The following TRIM56 variants were observed in gnomAD, a reference collection of about 807,000 sequenced individuals.
The protein encoded by TRIM56 is tripartite motif containing 56.
TRIM56 carries 10 observed loss-of-function variants against 17.1 expected under a neutral mutation model. That is an observed-to-expected ratio of 0.58 (90% CI 0.36 to 0.99). The LOEUF is 0.99. Among genes scored for constraint, TRIM56 ranks in the 50% least tolerant of loss-of-function variants. The probability of loss-of-function intolerance (pLI) is 0.01; values close to 1 mark genes in which losing one functional copy is unlikely to be tolerated. For synonymous variants in TRIM56, 503 were observed against 473.5 expected, an observed-to-expected ratio of 1.06 and a Z score of -0.81; for missense variants, 923 against 1,052.3, an observed-to-expected ratio of 0.88 and a Z score of 1.70.
At chr7:101,086,643 A>C (rs1371408114) in intron 1 of TRIM56, 1 of 151,602 alleles carries the variant, frequency 6.6e-6, no homozygotes, top group Non-Finnish European at 1.5e-5. Flanking sequence ...TGAGTCTAGG[A>C]GTTTGAGGCT....
rs972012401 is a variant in TRIM56, at chr7:101,087,667, C to T, written c.355C>T (p.Arg119Trp). The T allele has an allele frequency of 1.0e-5, 16 of 1,601,968 alleles. No individual in the cohort carries two copies. The highest frequency in any genetic ancestry group is 2.2e-5 in the South Asian group (2 of 89,428). ...GTSTGGPATA[R>W]CLDCADDLCQ... is the part of the protein sequence containing the mutation. ...CAGCACCGGGGGGCCGGCCACGGCC[C>T]GGTGCCTGGACTGTGCCGATGACTT... The change falls in exon 3 of 3, where the codon CGG (arginine) becomes TGG (tryptophan). Residue 119 changes from arginine to tryptophan, a missense_variant. Arg to Trp is a moderately radical substitution (Grantham distance 101). Around this residue, in one of 3 missense-constraint regions of TRIM56, gnomAD observed 643 missense variants for 665.6 expected, o/e 0.97. Coordinates refer to ENST00000306085, the MANE Select transcript of TRIM56 (RefSeq NM_030961.3).
Position 101,094,038 on chromosome 7 carries a change from T to C in TRIM56, c.*4458T>C, listed in dbSNP as rs540735114. The C allele has an allele frequency of 3.9e-5, 6 of 152,234 alleles. No homozygotes were observed. Among genetic ancestry groups the C allele is most frequent in the Admixed American group, 6.6e-5 (1 of 15,264 alleles). 9.4% of individuals were successfully genotyped at this position (152,234 alleles called of 1,614,324 possible). A position where few individuals can be genotyped will look rare whatever the true frequency, so the allele number is the denominator to read the frequency against. On this transcript the variant is annotated 3_prime_UTR_variant, in exon 3 of 3. Transcript: ENST00000306085. ...GGGAATACATTCTGGGAAAATAATG[T>C]AAGAGAAAAAATATTTGCATACAGA...
chr7:101,085,759 G>T (rs571134503), intron 1 of TRIM56, among the ~76,000 whole-genome samples, 188 bp downstream of exon 1: 172 of 152,120 alleles, frequency 1.1e-3, no homozygotes, highest in African/African-American at 3.8e-3. Context: ...GTGGCCACAG[G>T]TCCCCGCAAG....
In TRIM56 at chr7:101,088,836, C is replaced by T. The variant is rs1192944865; in HGVS notation, c.1524C>T (p.Pro508=). ...GGATGCCTGGAGACAAGCGGTCCCC[C>T]CGGATCACCGGGCTCTGTCCCTTCG... ...PTRMPGDKRS[P]RITGLCPFGP... is the part of the protein sequence containing the mutation. Residue 508 remains proline (P), a synonymous_variant, in exon 3 of 3, where the codon CCC becomes CCT. Transcript: ENST00000306085. 4.3e-6 allele frequency: 7 copies of T among 1,613,684 alleles called. No homozygotes were observed. Among genetic ancestry groups the T allele is most frequent in the East Asian group, 4.5e-5 (2 of 44,886 alleles).
In TRIM56 at chr7:101,089,517, C is replaced by T. The variant is rs986652465; in HGVS notation, c.2205C>T (p.Tyr735=). The T allele has an allele frequency of 2.5e-6, 4 of 1,614,212 alleles. No homozygotes were observed. Among genetic ancestry groups the T allele is most frequent in the Non-Finnish European group, 3.4e-6 (4 of 1,180,048 alleles). The part of the protein sequence containing the change: ...PRVTTMVDGR[Y]LVVSLSNGTI... ...TTACCACCATGGTGGATGGCAGGTA[C>T]CTGGTCGTGTCCCTCAGTAACGGGA... Residue 735 remains tyrosine (Y), a synonymous_variant, in exon 3 of 3, where the codon TAC becomes TAT. Transcript: ENST00000306085.
chr7:101,091,627 T>A lies in TRIM56; in HGVS notation c.*2047T>A, dbSNP rs1435704044. 1 of 398,636 alleles carries A rather than the reference T, an allele frequency of 2.5e-6. No homozygotes were observed. 24.7% of individuals were successfully genotyped at this position (398,636 alleles called of 1,614,324 possible). A position where few individuals can be genotyped will look rare whatever the true frequency, so the allele number is the denominator to read the frequency against. On this transcript the variant is annotated 3_prime_UTR_variant, in exon 3 of 3. Transcript: ENST00000306085. The stretch of plus-strand genomic sequence containing the variant: ...CTGTAATCCCAGCTACTTGGGAGGC[T>A]GAGGCAGGAGAATCATTTGAACCCA...
rs1487311434 is a variant in TRIM56 at position 101,088,150 on chromosome 7, C to G, written c.838C>G (p.His280Asp). The G allele has an allele frequency of 6.7e-7, 1 of 1,499,974 alleles. No individual in the cohort carries two copies. Among genetic ancestry groups the G allele is most frequent in the East Asian group, 2.5e-5 (1 of 40,474 alleles). 92.9% of individuals were successfully genotyped at this position (1,499,974 alleles called of 1,614,324 possible). A position where few individuals can be genotyped will look rare whatever the true frequency, so the allele number is the denominator to read the frequency against. ...GGAGGTGCTGGGGCAGCTACGAGCCCACGTGGAGGCTGCCGAAGAAGCTGC... is the reference window on the plus strand; with the variant it reads ...GGAGGTGCTGGGGCAGCTACGAGCCGACGTGGAGGCTGCCGAAGAAGCTGC... ...KQEVLGQLRA[H>D]VEAAEEAARE... The change falls in exon 3 of 3, where the codon CAC becomes GAC. Residue 280 changes from histidine to aspartate, a missense_variant. His to Asp is a moderately conservative substitution (Grantham distance 81). This residue lies in a region of TRIM56 where 643 missense variants were observed against 665.6 expected (regional missense o/e 0.97). Coordinates refer to ENST00000306085, the MANE Select transcript of TRIM56 (RefSeq NM_030961.3).
In TRIM56 at chr7:101,097,458, C is replaced by T. The variant is rs1287679436; in HGVS notation, c.*7878C>T. 3.3e-5 allele frequency: 5 copies of T among 152,290 alleles called. No individual in the cohort carries two copies. The East Asian group carries it at 9.7e-4, about 29-fold the overall frequency. The allele number at this position is 152,290 out of a possible 1,614,324, so 9.4% of individuals were successfully genotyped here. A position where few individuals can be genotyped will look rare whatever the true frequency, so the allele number is the denominator to read the frequency against. On this transcript the variant is annotated 3_prime_UTR_variant, in exon 3 of 3. Transcript: ENST00000306085. ...GACCAAAGGTAGCAAAATTAGACTACCCAACTGGATTGTGAATGCAGTTTA... is the reference window on the plus strand; with the variant it reads ...GACCAAAGGTAGCAAAATTAGACTATCCAACTGGATTGTGAATGCAGTTTA...
Position 101,087,521 on chromosome 7 carries a change from T to A in TRIM56, c.209T>A (p.Val70Glu), listed in dbSNP as rs1452927973. The A allele has an allele frequency of 6.2e-7, 1 of 1,613,330 alleles. No homozygotes were observed. The highest frequency in any genetic ancestry group is 2.2e-5 in the East Asian group (1 of 44,854). Residue 70 changes from valine to glutamate, a missense_variant, in exon 3 of 3, where the codon GTG (valine) becomes GAG (glutamate). Around this residue, in one of 3 missense-constraint regions of TRIM56, gnomAD observed 98 missense variants for 143.6 expected, o/e 0.68. Transcript: ENST00000306085. The part of the protein sequence containing the change: ...RETVPVPPEG[V>E]ASFKTNFFVN... ...ACAGTGCCTGTGCCGCCCGAGGGTG[T>A]GGCCTCCTTCAAGACCAACTTCTTC...
At position 101,097,086 on chromosome 7, in the gene TRIM56, A is replaced by G. The variant is rs1408330963; in HGVS notation, c.*7506A>G. 1.3e-5 allele frequency: 2 copies of G among 152,242 alleles called. No homozygotes were observed. Among genetic ancestry groups the G allele is most frequent in the Non-Finnish European group, 2.9e-5 (2 of 68,042 alleles). The allele number at this position is 152,242 out of a possible 1,614,324, so 9.4% of individuals were successfully genotyped here. A position where few individuals can be genotyped will look rare whatever the true frequency, so the allele number is the denominator to read the frequency against. On this transcript the variant is annotated 3_prime_UTR_variant, in exon 3 of 3. Transcript: ENST00000306085. Reference sequence around the variant, plus strand: ...TTATTATTACGGTATCTATAAAGCAATGCCATATTCTAAATCTGCAGAAAT... The same window carrying G: ...TTATTATTACGGTATCTATAAAGCAGTGCCATATTCTAAATCTGCAGAAAT...
chr7:101,087,653 G>A lies in TRIM56; in HGVS notation c.341G>A (p.Gly114Glu). ...CTGGTGGGTGGCACCAGCACCGGGGGGCCGGCCACGGCCCGGTGCCTGGAC... is the reference window on the plus strand; with the variant it reads ...CTGGTGGGTGGCACCAGCACCGGGGAGCCGGCCACGGCCCGGTGCCTGGAC... ...CPLVGGTSTG[G>E]PATARCLDCA... Residue 114 changes from glycine to glutamate, a missense_variant, in exon 3 of 3, where the codon GGG becomes GAG. By Grantham distance (98) the Gly-to-Glu change is moderately conservative (BLOSUM62 -2). Coordinates refer to ENST00000306085, the MANE Select transcript of TRIM56 (RefSeq NM_030961.3). The A allele has an allele frequency of 6.2e-7, 1 of 1,605,758 alleles. No homozygotes were observed. Among genetic ancestry groups the A allele is most frequent in the South Asian group, 1.1e-5 (1 of 90,162 alleles).
rs940655362 is a variant in TRIM56 at position 101,097,026 on chromosome 7, T to C, written c.*7446T>C. On this transcript the variant is annotated 3_prime_UTR_variant, in exon 3 of 3. Transcript: ENST00000306085. ...TTTTGAGAGTTTAGAGAAAATATCA[T>C]TTGGAAAGGGAGTAGCTCTCCTTCT... 2.0e-5 allele frequency: 3 copies of C among 152,200 alleles called. No homozygotes were observed. Among genetic ancestry groups the C allele is most frequent in the African/African-American group, 7.2e-5 (3 of 41,456 alleles). 9.4% of individuals were successfully genotyped at this position (152,200 alleles called of 1,614,324 possible).
chr7:101,091,292 T>A lies in TRIM56; in HGVS notation c.*1712T>A, dbSNP rs1795560684. The A allele has an allele frequency of 6.2e-6, 1 of 160,940 alleles. No individual in the cohort carries two copies. Among genetic ancestry groups the A allele is most frequent in the Non-Finnish European group, 1.4e-5 (1 of 73,272 alleles). 10.0% of individuals were successfully genotyped at this position (160,940 alleles called of 1,614,324 possible). The stretch of plus-strand genomic sequence containing the variant: ...CCAGATGGAATGTGCAGGGCATAGG[T>A]AGAGGGAAAAGAAAATCCCTTTCTG... On this transcript the variant is annotated 3_prime_UTR_variant, in exon 3 of 3. Coordinates refer to ENST00000306085, the MANE Select transcript of TRIM56 (RefSeq NM_030961.3).
chr7:101,088,757 T>G lies in TRIM56; in HGVS notation c.1445T>G (p.Leu482Arg). ...REPSPALGPN[L>R]DGSGLLPRPI... ...CCCAGCCCAGCCCTGGGGCCGAATC[T>G]GGACGGCTCTGGCCTCCTCCCCAGA... The change falls in exon 3 of 3, where the codon CTG becomes CGG. Residue 482 changes from leucine to arginine, a missense_variant. Leu to Arg is a moderately radical substitution (Grantham distance 102). Coordinates refer to ENST00000306085, the MANE Select transcript of TRIM56 (RefSeq NM_030961.3). 2 of 1,613,990 alleles carry G rather than the reference T, an allele frequency of 1.2e-6. No homozygotes were observed. Among genetic ancestry groups the G allele is most frequent in the Non-Finnish European group, 8.5e-7 (1 of 1,180,016 alleles).
chr7:101,090,883 T>A lies in TRIM56; in HGVS notation c.*1303T>A, dbSNP rs1482898103. 3 of 152,142 alleles carry A rather than the reference T, an allele frequency of 2.0e-5. No individual in the cohort carries two copies. The highest frequency in any genetic ancestry group is 1.5e-5 in the Non-Finnish European group (1 of 68,046). 9.4% of individuals were successfully genotyped at this position (152,142 alleles called of 1,614,324 possible). ...TCTATGTGTTGCCTTCTCTTCATTT[T>A]CCAGCAAAATTCCTTTTGAGATATG... On this transcript the variant is annotated 3_prime_UTR_variant, in exon 3 of 3. Coordinates refer to ENST00000306085, the MANE Select transcript of TRIM56 (RefSeq NM_030961.3).
rs1248853358 is a variant in TRIM56, at chr7:101,089,038, AACGGCG to A, written c.1728_1733del (p.Asn576_Glu578delinsLys). 1.9e-6 allele frequency: 3 copies of A among 1,603,402 alleles called. No homozygotes were observed. The highest frequency in any genetic ancestry group is 1.7e-6 in the Non-Finnish European group (2 of 1,178,714). On this transcript the variant is annotated inframe_deletion, in exon 3 of 3. Coordinates refer to ENST00000306085, the MANE Select transcript of TRIM56 (RefSeq NM_030961.3). ...CGCACGGCTCTATCTCATCAACCCC[AACGGCG>A]AAGTGCAGTGGCGCAGGGCCCTGAG...
In TRIM56 at chr7:101,089,867, C is replaced by A. The variant is rs1464070887; in HGVS notation, c.*287C>A. 1 of 402,396 alleles carries A rather than the reference C, an allele frequency of 2.5e-6. No individual in the cohort carries two copies. The highest frequency in any genetic ancestry group is 4.7e-6 in the Non-Finnish European group (1 of 211,850). 24.9% of individuals were successfully genotyped at this position (402,396 alleles called of 1,614,324 possible). ...TGGGTGGCTGCTGCCACCACCGCCG[C>A]TGCTATATAGTTTAGGTTTCTGAGG... is the stretch of plus-strand genomic sequence containing the variant. On this transcript the variant is annotated 3_prime_UTR_variant, in exon 3 of 3. Transcript: ENST00000306085.
rs530614500 is a variant in TRIM56 at position 101,091,681 on chromosome 7, C to T, written c.*2101C>T. On this transcript the variant is annotated 3_prime_UTR_variant, in exon 3 of 3. Transcript: ENST00000306085. ...GGTGGAAGTTGCAGTGAGCTCAGAT[C>T]GCACCATTGCACTCCAGCCTGGGTA... The T allele has an allele frequency of 1.2e-4, 54 of 444,570 alleles. No homozygotes were observed. Among genetic ancestry groups the T allele is most frequent in the African/African-American group, 1.0e-3 (51 of 48,840 alleles). The allele number at this position is 444,570 out of a possible 1,614,324, so 27.5% of individuals were successfully genotyped here.
Position 101,088,105 on chromosome 7 carries a change from G to C in TRIM56, c.793G>C (p.Ala265Pro). Residue 265 changes from alanine (A) to proline (P), a missense_variant, in exon 3 of 3, where the codon GCC becomes CCC. By Grantham distance (27) the Ala-to-Pro change is conservative (BLOSUM62 -1). Transcript: ENST00000306085. ...GGAGGCGGCTGAGGGCGTCCTCCGG[G>C]CCCTGCTGGCCCAGAAGCAGGAGGT... is the stretch of plus-strand genomic sequence containing the variant. ...VEEAAEGVLRALLAQKQEVLG... is the reference protein window; with the variant it reads ...VEEAAEGVLRPLLAQKQEVLG... The C allele has an allele frequency of 6.6e-7, 1 of 1,503,888 alleles. No homozygotes were observed. Among genetic ancestry groups the C allele is most frequent in the Non-Finnish European group, 8.9e-7 (1 of 1,126,796 alleles). The allele number at this position is 1,503,888 out of a possible 1,614,324, so 93.2% of individuals were successfully genotyped here. A position where few individuals can be genotyped will look rare whatever the true frequency, so the allele number is the denominator to read the frequency against.
Sources: gnomAD v4.1 joint callset for allele counts (sites outside exome capture counted in the v4.1 genomes callset) on GRCh38, gnomAD v4.1.1 for gene constraint, gnomAD v4.1.1 regional missense constraint, MANE v1.5 for transcripts, NCBI Gene and HGNC (gene_info 2026-07-23, HGNC 2026-07-21) for gene names.